The following FBXW7 variants were observed in gnomAD, a reference collection of about 807,000 sequenced individuals.
The protein encoded by FBXW7 is F-box/WD repeat-containing protein 7.
FBXW7 carries 11 observed loss-of-function variants against 86.3 expected under a neutral mutation model. That is an observed-to-expected ratio of 0.13 (90% CI 0.08 to 0.21). The LOEUF (loss-of-function observed/expected upper bound fraction) is 0.21, where lower values mean the gene tolerates loss of function less well. FBXW7 is among the 10% of genes least tolerant of loss of function. FBXW7 has a pLI of 1.00. For missense variants in FBXW7, 488 were observed against 847.4 expected (o/e 0.58, Z 5.27); for synonymous variants, 313 against 297.9 (o/e 1.05, Z -0.52).
intron 4 of FBXW7, among the ~76,000 whole-genome samples, chr4:152,390,968 T>A (rs980382943): frequency 6.6e-6 from 1 of 152,002 alleles, no homozygotes; most frequent in Non-Finnish European, 1.5e-5. Flanking sequence ...GCTACACTTA[T>A]GGAAACATAA....
chr4:152,488,149 A>C (rs1745515015), intron 2 of FBXW7, among the ~76,000 whole-genome samples: 1 of 152,026 alleles, frequency 6.6e-6, no homozygotes, highest in Admixed American at 6.6e-5. Flanking sequence ...AATCACTTTG[A>C]CTAACTCTAC....
At chr4:152,506,882 A>G (rs895150983) in intron 2 of FBXW7, among the ~76,000 whole-genome samples, 1 of 152,232 alleles carries the variant, frequency 6.6e-6, no homozygotes. Context: ...GATAAAGACA[A>G]CTTACAGATA....
chr4:152,346,859 T>A, intron 6 of FBXW7, 71 bp downstream of exon 6: 3 of 1,580,916 alleles, frequency 1.9e-6, no homozygotes, highest in East Asian at 4.5e-5. Context: ...CTTCTTTTTT[T>A]ACGGATGAAT....
intron 4 of FBXW7, among the ~76,000 whole-genome samples, chr4:152,355,662 T>C (rs1284667795): frequency 6.6e-6 from 1 of 152,150 alleles, no homozygotes; most frequent in Non-Finnish European, 1.5e-5. Flanking sequence ...GAAATTCCAT[T>C]AGCAAAGGGA....
At chr4:152,355,804 GA>G (rs1337904780) in intron 4 of FBXW7, among the ~76,000 whole-genome samples, 5 of 149,672 alleles carry the variant, frequency 3.3e-5, no homozygotes, top group Admixed American at 6.7e-5. Context: ...AAGTAACGAG[GA>G]AAAAAAAACA....
intron 2 of FBXW7, among the ~76,000 whole-genome samples, chr4:152,463,650 A>T (rs191490178): frequency 1.3e-5 from 2 of 152,358 alleles, no homozygotes; most frequent in Admixed American, 1.3e-4. Flanking sequence ...AGCATTGTAC[A>T]AGACAAACTT....
intron 4 of FBXW7, among the ~76,000 whole-genome samples, chr4:152,376,422 A>G (rs1734524213): frequency 6.6e-6 from 1 of 152,154 alleles, no homozygotes; most frequent in South Asian, 2.1e-4. Context: ...AAGCAATACG[A>G]CTGTTTAATA....
intron 2 of FBXW7, among the ~76,000 whole-genome samples, chr4:152,523,788 C>A (rs1193235354): frequency 1.3e-5 from 2 of 152,168 alleles, no homozygotes; most frequent in African/African-American, 4.8e-5. Flanking sequence ...GTCCAACAAC[C>A]AAATTTCCTG....
At position 152,535,399 on chromosome 4, in the gene FBXW7, T is replaced by C. The variant is rs1750441737; in HGVS notation, c.-485A>G. ...AAGGGAGAAGACCCCCGGAGGGGGC[T>C]GAGGGGAGGGGGAAGGTGAGGAAAG... On this transcript the variant is annotated 5_prime_UTR_variant, in exon 1 of 14. Coordinates refer to ENST00000281708, the MANE Select transcript of FBXW7 (RefSeq NM_001349798.2). The C allele has an allele frequency of 2.6e-6, 1 of 380,926 alleles. No individual in the cohort carries two copies. The allele number at this position is 380,926 out of a possible 1,614,324, so 23.6% of individuals were successfully genotyped here.
At chr4:152,448,546 A>G (rs1250308034) in intron 2 of FBXW7, among the ~76,000 whole-genome samples, 1 of 152,204 alleles carries the variant, frequency 6.6e-6, no homozygotes, top group African/African-American at 2.4e-5. Context: ...CGAACGGCTC[A>G]ACCTCTTCAT....
At chr4:152,520,965 C>T (rs767987616) in intron 2 of FBXW7, among the ~76,000 whole-genome samples, 4 of 152,212 alleles carry the variant, frequency 2.6e-5, no homozygotes, top group Non-Finnish European at 5.9e-5. Context: ...GCAAGCACAA[C>T]ACTAAGCACT....
At position 152,321,142 on chromosome 4, in the gene FBXW7, T is replaced by C. The variant is rs914116951; in HGVS notation, c.*1739A>G. On this transcript the variant is annotated 3_prime_UTR_variant, in exon 14 of 14. Coordinates refer to ENST00000281708, the MANE Select transcript of FBXW7 (RefSeq NM_001349798.2). ...ATAAAACAGGCTTGAAGTATTGATTTCTATGTCACACAGCAGGATGCAAAG... is the reference window on the plus strand; with the variant it reads ...ATAAAACAGGCTTGAAGTATTGATTCCTATGTCACACAGCAGGATGCAAAG... The C allele has an allele frequency of 9.9e-6, 2 of 202,342 alleles. No individual in the cohort carries two copies. The highest frequency in any genetic ancestry group is 6.0e-5 in the Admixed American group (1 of 16,756). The allele number at this position is 202,342 out of a possible 1,614,324, so 12.5% of individuals were successfully genotyped here.
chr4:152,326,745 A>G (rs1729062686), intron 11 of FBXW7, among the ~76,000 whole-genome samples: 1 of 152,132 alleles, frequency 6.6e-6, no homozygotes, highest in Non-Finnish European at 1.5e-5. Context: ...AAAAAATTCA[A>G]TAAAGTTTAT....
At chr4:152,421,268 G>C (rs2126916537) in intron 2 of FBXW7, among the ~76,000 whole-genome samples, 1 of 152,156 alleles carries the variant, frequency 6.6e-6, no homozygotes, top group East Asian at 1.9e-4. Context: ...CCTTGCTCTG[G>C]ATTAGGCTTT....
chr4:152,482,694 G>A (rs141550215), intron 2 of FBXW7, among the ~76,000 whole-genome samples: 1 of 152,010 alleles, frequency 6.6e-6, no homozygotes, highest in Non-Finnish European at 1.5e-5. Flanking sequence ...GAACAGGGTG[G>A]GGGGAGAGAT....
At chr4:152,378,735 G>C (rs1276478631) in intron 4 of FBXW7, among the ~76,000 whole-genome samples, 1 of 152,112 alleles carries the variant, frequency 6.6e-6, no homozygotes, top group African/African-American at 2.4e-5. Context: ...GGGCATGGTG[G>C]TTCATGCCTG....
chr4:152,438,779 C>T (rs1010296056), intron 2 of FBXW7, among the ~76,000 whole-genome samples: 2 of 152,206 alleles, frequency 1.3e-5, no homozygotes, highest in African/African-American at 4.8e-5. Context: ...ACCCTACCCA[C>T]ATGGGAGATG....
intron 4 of FBXW7, among the ~76,000 whole-genome samples, chr4:152,410,184 G>A (rs531231655): frequency 9.9e-5 from 15 of 152,116 alleles, no homozygotes; most frequent in Non-Finnish European, 2.2e-4. Context: ...AGTGCAATTG[G>A]ACCTTAAGTA....
intron 2 of FBXW7, among the ~76,000 whole-genome samples, chr4:152,505,326 G>T (rs1407482891): frequency 6.6e-6 from 1 of 152,012 alleles, no homozygotes; most frequent in Non-Finnish European, 1.5e-5. Flanking sequence ...GTGCACTTAG[G>T]CTGTACTAAG....
Sources: allele counts gnomAD v4.1 joint callset (sites outside exome capture counted in the v4.1 genomes callset), GRCh38; gene constraint gnomAD v4.1.1; transcripts MANE v1.5; gene names NCBI Gene and HGNC (gene_info 2026-07-23, HGNC 2026-07-21).